MAP4K1: variants seen among roughly 807,000 people sequenced by gnomAD.
MAP4K1 encodes mitogen-activated protein kinase kinase kinase kinase 1.
A neutral mutation model predicts 122.8 loss-of-function variants in MAP4K1; 35 were observed. That is an observed-to-expected ratio of 0.29 (90% confidence interval 0.22 to 0.38). MAP4K1 has a LOEUF of 0.38. MAP4K1 is among the 10% of genes least tolerant of loss of function. The pLI, the probability that MAP4K1 is intolerant of heterozygous loss-of-function variation, is 1.00. For synonymous variants in MAP4K1, 412 were observed against 421.3 expected, an observed-to-expected ratio of 0.98 and a Z score of 0.27; for missense variants, 791 against 1,072.6, an observed-to-expected ratio of 0.74 and a Z score of 3.67.
intron 25 of MAP4K1, 91 bp from the exon 26 acceptor site, chr19:38,596,577 C>T (rs1974893534): frequency 9.1e-7 from 1 of 1,096,892 alleles, no homozygotes; most frequent in Non-Finnish European, 1.3e-6. Flanking sequence ...GACTTCCGAA[C>T]CAGGGCCCTA....
Position 38,612,631 on chromosome 19 carries a change from G to A in MAP4K1, c.645C>T (p.Leu215=), listed in dbSNP as rs1330255678. 3 of 1,613,274 alleles carry A rather than the reference G, an allele frequency of 1.9e-6. No individual in the cohort carries two copies. The highest frequency in any genetic ancestry group is 1.7e-5 in the Admixed American group (1 of 59,976). The change falls in exon 9 of 31, where the codon CTC becomes CTT. Residue 215 remains leucine, a synonymous_variant. Transcript: ENST00000396857. ...AIELAELQPP[L]FDVHPLRVLF... ...CCTACCTGAGAGGGTGCACATCAAA[G>A]AGCGGTGGCTGTAGCTCGGCCAGTT... is the stretch of plus-strand genomic sequence containing the variant.
Position 38,617,709 on chromosome 19 carries a change from G to C in MAP4K1, c.100-84C>G. 1 of 1,603,796 alleles carries C rather than the reference G, an allele frequency of 6.2e-7. No individual in the cohort carries two copies. Among genetic ancestry groups the C allele is most frequent in the South Asian group, 1.1e-5 (1 of 90,900 alleles). Reference sequence around the variant, plus strand: ...ATCCCTGAGTCAAGGTCAAGAACTGGGACCCCCTCTTGCAGCCTCCTCCCT... The same window carrying C: ...ATCCCTGAGTCAAGGTCAAGAACTGCGACCCCCTCTTGCAGCCTCCTCCCT... On this transcript the variant is annotated intron_variant, in intron 1 of 30. Coordinates refer to ENST00000396857, the MANE Select transcript of MAP4K1 (RefSeq NM_001042600.3). This position sits in a 1 kb window ranked among gnomAD's most constrained non-coding sequence, Gnocchi z 4.1.
At chr19:38,609,861 G>A (rs201407008) in intron 12 of MAP4K1, 48 bp downstream of exon 12, 53 of 1,534,376 alleles carry the variant, frequency 3.5e-5, no homozygotes, top group Admixed American at 5.0e-5. Context: ...GGCACAGCCT[G>A]AGAAAGACCG....
intron 25 of MAP4K1, 145 bp downstream of exon 25, chr19:38,596,888 AG>A: frequency 1.4e-6 from 1 of 739,364 alleles, no homozygotes; most frequent in Non-Finnish European, 2.3e-6. Flanking sequence ...CTCCAAGCGC[AG>A]ACCGCAGGTG....
rs775332728 is a variant in MAP4K1 at position 38,617,930 on chromosome 19, C to G, written c.-35G>C. On this transcript the variant is annotated 5_prime_UTR_variant, in exon 1 of 31. Coordinates refer to ENST00000396857, the MANE Select transcript of MAP4K1 (RefSeq NM_001042600.3). The surrounding 1 kb of genome is among the most constrained non-coding windows in gnomAD (Gnocchi z 4.1). ...CCTGAGCTGGGCCTGCGCCCAGGGG[C>G]CAGCAGGGCCTCAGGGCTCAACTTC... 4 of 1,570,020 alleles carry G rather than the reference C, an allele frequency of 2.5e-6. No homozygotes were observed. Among genetic ancestry groups the G allele is most frequent in the Middle Eastern group, 1.7e-4 (1 of 5,774 alleles).
chr19:38,617,273 A>C lies in MAP4K1; in HGVS notation c.248+81T>G. 1.1e-6 allele frequency: 1 copy of C among 921,360 alleles called. No individual in the cohort carries two copies. The highest frequency in any genetic ancestry group is 1.9e-5 in the Admixed American group (1 of 54,034). The allele number at this position is 921,360 out of a possible 1,614,324, so 57.1% of individuals were successfully genotyped here. On this transcript the variant is annotated intron_variant, in intron 3 of 30. Coordinates refer to ENST00000396857, the MANE Select transcript of MAP4K1 (RefSeq NM_001042600.3). The surrounding 1 kb of genome is among the most constrained non-coding windows in gnomAD (Gnocchi z 4.1). ...AAGAAAAAGAAAAGAAAAAAAAAGA[A>C]CTGAGGGTACCCCCATCAAGAAATG...
intron 19 of MAP4K1, among the ~76,000 whole-genome samples, chr19:38,602,797 CAT>C (rs541487808): frequency 0.067 from 8,773 of 130,910 alleles, 269 homozygotes; most frequent in South Asian, 0.14. Flanking sequence ...TATATACACA[CAT>C]ACATATATAC....
At chr19:38,599,006 CTA>C (rs1568626729) in intron 22 of MAP4K1, among the ~76,000 whole-genome samples, 2 of 100,674 alleles carry the variant, frequency 2.0e-5, no homozygotes, top group African/African-American at 4.0e-5. Flanking sequence ...GAGTGAGAGT[CTA>C]TCTCAAAAAA....
At chr19:38,599,291 T>C (rs368280818) in intron 22 of MAP4K1, among the ~76,000 whole-genome samples, 74 of 145,624 alleles carry the variant, frequency 5.1e-4, no homozygotes, top group Non-Finnish European at 8.8e-4. Context: ...GAGGTTGCAG[T>C]TAGCCAAGAT....
At chr19:38,613,736 G>A (rs1814204101) in intron 8 of MAP4K1, 144 bp downstream of exon 8, 2 of 647,458 alleles carry the variant, frequency 3.1e-6, no homozygotes, top group Non-Finnish European at 5.3e-6. Flanking sequence ...AAACTCAAGC[G>A]ACACCCAGAG....
rs1975015302 is a variant in MAP4K1, at chr19:38,600,072, C to G, written c.1608+5G>C. The G allele has an allele frequency of 1.9e-6, 3 of 1,614,176 alleles. No individual in the cohort carries two copies. Among genetic ancestry groups the G allele is most frequent in the Non-Finnish European group, 2.5e-6 (3 of 1,180,034 alleles). ...CCCTTGCCCTGGCCCGGTATGGTTC[C>G]TCACCATTTCCAGCGTGGCCTCCTG... On this transcript the variant is annotated splice_donor_5th_base_variant and intron_variant, in intron 21 of 30. Coordinates refer to ENST00000396857, the MANE Select transcript of MAP4K1 (RefSeq NM_001042600.3).
chr19:38,588,214 G>A (rs556006886), intron 30 of MAP4K1, among the ~76,000 whole-genome samples: 4 of 152,254 alleles, frequency 2.6e-5, no homozygotes, highest in African/African-American at 7.2e-5. Flanking sequence ...GAGATGTCAT[G>A]GCCTTGTGGG....
chr19:38,592,942 A>AATAAATAC (rs971755486), intron 30 of MAP4K1, among the ~76,000 whole-genome samples: 4 of 152,098 alleles, frequency 2.6e-5, no homozygotes, highest in African/African-American at 9.7e-5. Flanking sequence ...TAAATAAATA[A>AATAAATAC]ATAAAAGAAT....
chr19:38,593,574 G>A (rs555770482), intron 29 of MAP4K1, among the ~76,000 whole-genome samples: 9 of 152,310 alleles, frequency 5.9e-5, no homozygotes, highest in Non-Finnish European at 1.3e-4. Context: ...ATGGTGGTGC[G>A]CGCCTATAGT....
rs1975670898 is a variant in MAP4K1, at chr19:38,617,180, G to C, written c.248+174C>G. Among the ~76,000 whole-genome samples, 1 of 151,952 alleles carries C rather than the reference G, an allele frequency of 6.6e-6. No homozygotes were observed. The highest frequency in any genetic ancestry group is 2.1e-4 in the South Asian group (1 of 4,820). ...GAATTGCTTGAACCCAGGAGGCAGA[G>C]GTTGCAGTGAGCTGAGATCATGCCA... On this transcript the variant is annotated intron_variant, in intron 3 of 30. Coordinates refer to ENST00000396857, the MANE Select transcript of MAP4K1 (RefSeq NM_001042600.3). This position sits in a 1 kb window ranked among gnomAD's most constrained non-coding sequence, Gnocchi z 4.1.
intron 18 of MAP4K1, 25 bp downstream of exon 18, chr19:38,605,543 C>A (rs779241320): frequency 1.3e-6 from 2 of 1,535,224 alleles, no homozygotes; most frequent in Non-Finnish European, 1.8e-6. Context: ...ACCCTCCCGC[C>A]CTCCACCCTA....
chr19:38,593,245 C>T (rs1974779098), intron 30 of MAP4K1, 37 bp downstream of exon 30: 1 of 1,596,640 alleles, frequency 6.3e-7, no homozygotes, highest in Non-Finnish European at 8.6e-7. Flanking sequence ...TCAGAAGCCC[C>T]CTCCCAGGTC....
chr19:38,601,515 A>G lies in MAP4K1; in HGVS notation c.1457T>C (p.Leu486Pro). The G allele has an allele frequency of 1.2e-6, 2 of 1,607,594 alleles. No homozygotes were observed. The highest frequency in any genetic ancestry group is 1.7e-6 in the Non-Finnish European group (2 of 1,177,372). ...GCAGCCATTGAACAACTTTACGAGA[A>G]GGGCACATCCCTGGGCAGGTCGCCG... ...KEKMKRKGCA[L>P]LVKLFNGCPL... is the part of the protein sequence containing the mutation. Residue 486 changes from leucine (L) to proline (P), a missense_variant, in exon 20 of 31, where the codon CTT (leucine) becomes CCT (proline). Around this residue, in one of 4 missense-constraint regions of MAP4K1, gnomAD observed 303 missense variants for 344.8 expected, o/e 0.88. Transcript: ENST00000396857.
chr19:38,606,300 G>T, intron 16 of MAP4K1, 85 bp from the exon 17 acceptor site: 1 of 663,116 alleles, frequency 1.5e-6, no homozygotes, highest in South Asian at 1.9e-5. Flanking sequence ...CTGGAGGCCC[G>T]GGACTGGGGT....
Sources: gnomAD v4.1 joint callset for allele counts (sites outside exome capture counted in the v4.1 genomes callset) on GRCh38, gnomAD v4.1.1 for gene constraint, gnomAD v4.1.1 regional missense constraint, Gnocchi (gnomAD v3.1) non-coding constraint, MANE v1.5 for transcripts, NCBI Gene and HGNC (gene_info 2026-07-23, HGNC 2026-07-21) for gene names.